Variants in CSMD3 observed in about 807,000 individuals in gnomAD.
The protein encoded by CSMD3 is CUB and sushi domain-containing protein 3.
CSMD3 carries 177 observed loss-of-function variants against 435.2 expected under a neutral mutation model. That is an observed-to-expected ratio of 0.41 (90% confidence interval 0.36 to 0.46). The LOEUF is 0.46. Ranked by LOEUF, CSMD3 falls within the 20% of genes least tolerant of loss-of-function variation. The pLI is 0.34. For synonymous variants in CSMD3, 1,656 were observed against 1,520.5 expected, an observed-to-expected ratio of 1.09 and a Z score of -2.07; for missense variants, 4,265 against 4,504.6, an observed-to-expected ratio of 0.95 and a Z score of 1.52.
chr8:112,812,879 G>A (rs745661749), intron 12 of CSMD3, among the ~76,000 whole-genome samples: 4 of 152,080 alleles, frequency 2.6e-5, no homozygotes, highest in Admixed American at 2.0e-4. Flanking sequence ...TTCAAGAATT[G>A]AAATAGTATA....
chr8:113,308,430 G>A (rs773568419), intron 2 of CSMD3, among the ~76,000 whole-genome samples: 25 of 151,464 alleles, frequency 1.7e-4, no homozygotes, highest in Admixed American at 1.3e-3. Flanking sequence ...CACCACGCCC[G>A]GCTGATTTTT....
rs932463091 is a variant in CSMD3, at chr8:112,807,185, T to C, written c.1860-6911A>G. The stretch of plus-strand genomic sequence containing the variant: ...TTTTGGAGAGCCAGCTGGAGGACCC[T>C]TGTGACTCTGCCGTCTCCCTAGTGC... On this transcript the variant is annotated intron_variant, in intron 12 of 70. Coordinates refer to ENST00000297405, the MANE Select transcript of CSMD3 (RefSeq NM_198123.2). Among the ~76,000 whole-genome samples the C allele has an allele frequency of 2.6e-5, 4 of 152,280 alleles. No homozygotes were observed. In the East Asian group the frequency reaches 5.8e-4, roughly 22 times the overall value.
At chr8:112,511,681 C>T (rs1823157372) in intron 28 of CSMD3, among the ~76,000 whole-genome samples, 1 of 152,012 alleles carries the variant, frequency 6.6e-6, no homozygotes, top group African/African-American at 2.4e-5. Context: ...TGAGCCACCA[C>T]GCCCGGGGTG....
chr8:112,401,890 C>A (rs1453844927), intron 35 of CSMD3, among the ~76,000 whole-genome samples: 1 of 152,060 alleles, frequency 6.6e-6, no homozygotes, highest in African/African-American at 2.4e-5. Context: ...GCACATTTTC[C>A]ATATAATAAC....
chr8:112,262,299 C>T (rs1245006330), intron 61 of CSMD3, among the ~76,000 whole-genome samples: 1 of 152,024 alleles, frequency 6.6e-6, no homozygotes, highest in Non-Finnish European at 1.5e-5. Context: ...TTCTCCATAA[C>T]ATTGTTTTAC....
intron 10 of CSMD3, among the ~76,000 whole-genome samples, chr8:112,888,644 C>G (rs1367145742): frequency 1.3e-5 from 2 of 151,620 alleles, no homozygotes; most frequent in African/African-American, 4.8e-5. Context: ...ACAGAGGAAA[C>G]TGCAGAAGAA....
At chr8:112,374,965 A>G (rs1464665877) in intron 38 of CSMD3, among the ~76,000 whole-genome samples, 1 of 152,190 alleles carries the variant, frequency 6.6e-6, no homozygotes, top group African/African-American at 2.4e-5. Context: ...TGTGAATTCA[A>G]ACTAACAGAT....
intron 2 of CSMD3, among the ~76,000 whole-genome samples, chr8:113,289,311 T>C (rs78448726): frequency 0.03 from 4,493 of 151,880 alleles, 85 homozygotes; most frequent in Non-Finnish European, 0.04. Flanking sequence ...TTGATAGCTA[T>C]AACAAACTTG....
intron 30 of CSMD3, among the ~76,000 whole-genome samples, chr8:112,494,495 CT>C (rs1563615106): frequency 1.8e-4 from 6 of 33,118 alleles, no homozygotes; most frequent in Non-Finnish European, 4.0e-4. Flanking sequence ...TCTTTCTCTC[CT>C]TTCTTTCTTT....
At chr8:112,307,648 C>T (rs753047121) in intron 50 of CSMD3, among the ~76,000 whole-genome samples, 6 of 151,916 alleles carry the variant, frequency 3.9e-5, no homozygotes, top group Admixed American at 6.6e-5. Context: ...TAAGGACTAA[C>T]GTATTTGAAT....
At chr8:113,396,873 T>C (rs2094485901) in intron 1 of CSMD3, among the ~76,000 whole-genome samples, 1 of 152,184 alleles carries the variant, frequency 6.6e-6, no homozygotes, top group Admixed American at 6.5e-5. Context: ...ATTTTCTGCC[T>C]ATCTCTGCAA....
chr8:112,375,674 T>C (rs542150577), intron 38 of CSMD3, among the ~76,000 whole-genome samples: 1 of 152,282 alleles, frequency 6.6e-6, no homozygotes, highest in East Asian at 1.9e-4. Context: ...GATCATATCT[T>C]ATACAAATAA....
intron 32 of CSMD3, among the ~76,000 whole-genome samples, chr8:112,412,610 A>G (rs950906296): frequency 1.3e-5 from 2 of 152,170 alleles, no homozygotes; most frequent in Admixed American, 6.6e-5. Context: ...TTATAGTGGT[A>G]TATATACTGT....
chr8:112,473,721 ATTTTTT>A (rs71309772), intron 31 of CSMD3, among the ~76,000 whole-genome samples: 12 of 131,320 alleles, frequency 9.1e-5, no homozygotes, highest in African/African-American at 3.1e-4. Context: ...AGGAAGAGGG[ATTTTTT>A]TTTTTTTTTT....
At chr8:112,580,378 G>A (rs1830252664) in intron 23 of CSMD3, among the ~76,000 whole-genome samples, 1 of 151,918 alleles carries the variant, frequency 6.6e-6, no homozygotes, top group Non-Finnish European at 1.5e-5. Context: ...GAACAAATTA[G>A]TTAGGTTCTG....
At chr8:112,374,322 C>T (rs1228276234) in intron 38 of CSMD3, among the ~76,000 whole-genome samples, 1 of 152,056 alleles carries the variant, frequency 6.6e-6, no homozygotes, top group Non-Finnish European at 1.5e-5. Context: ...CCCCTATTAC[C>T]TCTCTTTTTC....
intron 3 of CSMD3, among the ~76,000 whole-genome samples, chr8:113,249,388 T>G (rs929877500): frequency 1.3e-5 from 2 of 152,132 alleles, no homozygotes; most frequent in Non-Finnish European, 2.9e-5. Flanking sequence ...AGACCCACGT[T>G]CTTCCAGAAA....
intron 13 of CSMD3, among the ~76,000 whole-genome samples, chr8:112,726,097 A>G (rs369995783): frequency 2.0e-5 from 3 of 152,012 alleles, no homozygotes; most frequent in East Asian, 1.9e-4. Context: ...CCAAAAAATT[A>G]TAAACCATCA....
intron 5 of CSMD3, among the ~76,000 whole-genome samples, chr8:113,058,401 C>T (rs769682948): frequency 2.0e-5 from 3 of 151,572 alleles, no homozygotes; most frequent in Non-Finnish European, 4.4e-5. Flanking sequence ...TTGCTTTTTA[C>T]CTAACTTATT....
Sources: gnomAD v4.1 joint callset for allele counts (sites outside exome capture counted in the v4.1 genomes callset) on GRCh38, gnomAD v4.1.1 for gene constraint, MANE v1.5 for transcripts, NCBI Gene and HGNC (gene_info 2026-07-23, HGNC 2026-07-21) for gene names.